CELF2: variants seen among roughly 807,000 people sequenced by gnomAD.
The protein encoded by CELF2 is CUGBP Elav-like family member 2, also known as CUG triplet repeat RNA-binding protein 2.
CELF2 carries 8 observed loss-of-function variants against 62.6 expected under a neutral mutation model. The ratio of observed to expected loss-of-function variants is 0.13; its 90% CI spans 0.07 to 0.23. The LOEUF is 0.23. CELF2 is among the 10% of genes least tolerant of loss of function. CELF2 has a pLI of 1.00. For missense variants in CELF2, 333 were observed against 671.0 expected (o/e 0.50, Z 5.56); for synonymous variants, 258 against 250.0 (o/e 1.03, Z -0.30).
the CELF2 span, among the ~76,000 whole-genome samples, chr10:10,577,758 A>C: frequency 2.0e-5 from 3 of 152,106 alleles, no homozygotes; most frequent in Non-Finnish European, 4.4e-5. Context: ...CCAGTCTATC[A>C]TTCTTGGACA....
chr10:11,188,954 A>G (rs2075673429), intron 2 of CELF2, among the ~76,000 whole-genome samples: 1 of 152,186 alleles, frequency 6.6e-6, no homozygotes, highest in African/African-American at 2.4e-5. Context: ...TTTAATCTCT[A>G]GAAGTCCGTT....
intron 9 of CELF2, among the ~76,000 whole-genome samples, chr10:11,294,264 C>G (rs2092887220): frequency 6.6e-6 from 1 of 152,196 alleles, no homozygotes; most frequent in Non-Finnish European, 1.5e-5. Context: ...AGATCATCCC[C>G]AGAAAGTGCC....
the CELF2 span, among the ~76,000 whole-genome samples, chr10:10,539,964 T>C: frequency 6.6e-6 from 1 of 152,298 alleles, no homozygotes; most frequent in Admixed American, 6.5e-5. Flanking sequence ...TAGTGAATCT[T>C]CGGGAACAAA....
chr10:10,656,235 G>A, the CELF2 span, among the ~76,000 whole-genome samples: 1 of 151,206 alleles, frequency 6.6e-6, no homozygotes, highest in Non-Finnish European at 1.5e-5. Flanking sequence ...GTGCTGGAGA[G>A]GATGTGGAGA....
At chr10:11,170,490 T>C (rs72773980) in intron 2 of CELF2, among the ~76,000 whole-genome samples, 4,721 of 152,248 alleles carry the variant, frequency 0.031, 106 homozygotes, top group Middle Eastern at 0.11. Context: ...GAGTGGGCCC[T>C]GATGGTTGTG....
the CELF2 span, among the ~76,000 whole-genome samples, chr10:10,603,638 C>A: frequency 6.6e-6 from 1 of 152,130 alleles, no homozygotes; most frequent in African/African-American, 2.4e-5. Flanking sequence ...TTAAAAAATT[C>A]ATTCTCTCTC....
Position 11,278,110 on chromosome 10 carries a change from C to CA in CELF2, c.841+2998dup, listed in dbSNP as rs559038424. Reference sequence around the variant, plus strand: ...TTTCAGCTTCAGGAGAAAATAAAACCAAAAAAAAGAAAGAGAAATTTTAGA... The same window carrying CA: ...TTTCAGCTTCAGGAGAAAATAAAACCAAAAAAAAAGAAAGAGAAATTTTAGA... On this transcript the variant is annotated intron_variant, in intron 8 of 12. Transcript: ENST00000633077. Among the ~76,000 whole-genome samples, 37 of 151,350 alleles carry CA rather than the reference C, an allele frequency of 2.4e-4. 1 individual carries two copies. In the South Asian group the frequency reaches 5.2e-3, roughly 21 times the overall value.
At chr10:10,825,416 T>A (rs1239501579) in intron 1 of CELF2, among the ~76,000 whole-genome samples, 1 of 152,116 alleles carries the variant, frequency 6.6e-6, no homozygotes, top group Admixed American at 6.5e-5. Flanking sequence ...TTCACTGTGT[T>A]AGCCAGGCTG....
the CELF2 span, among the ~76,000 whole-genome samples, chr10:10,702,656 C>T: frequency 6.6e-6 from 1 of 152,308 alleles, no homozygotes; most frequent in East Asian, 1.9e-4. Flanking sequence ...ACAATCCTGG[C>T]GCACTGCAAC....
chr10:10,998,518 C>T (rs116897519), intron 2 of CELF2, among the ~76,000 whole-genome samples: 1 of 152,294 alleles, frequency 6.6e-6, no homozygotes, highest in South Asian at 2.1e-4. Context: ...TCATTAGGAA[C>T]TGATTTAAGG....
chr10:10,613,400 T>C, the CELF2 span, among the ~76,000 whole-genome samples: 2 of 152,316 alleles, frequency 1.3e-5, no homozygotes, highest in African/African-American at 4.8e-5. Context: ...CGGAAGGCAA[T>C]TGGGAGAAAA....
chr10:10,770,974 A>G, the CELF2 span, among the ~76,000 whole-genome samples: 3 of 152,212 alleles, frequency 2.0e-5, no homozygotes, highest in Non-Finnish European at 4.4e-5. Context: ...AAGCCCTGGA[A>G]TGAGCACTGG....
At chr10:10,970,800 T>C (rs925872521) in intron 2 of CELF2, 5 of 152,208 alleles carry the variant, frequency 3.3e-5, no homozygotes, top group Non-Finnish European at 7.3e-5. Context: ...CTAATTACAC[T>C]CTTCAATTCA....
At position 10,846,079 on chromosome 10, in the gene CELF2, C is replaced by T. The variant is rs978264396; in HGVS notation, c.53+47262C>T. On this transcript the variant is annotated intron_variant, in intron 1 of 13. Coordinates refer to the CELF2 transcript ENST00000636488. ...TCATTGTAGACTTTTGTGATTCGATCAGATCCTTCTGCGCTCCCAGAGTTC... is the reference window on the plus strand; with the variant it reads ...TCATTGTAGACTTTTGTGATTCGATTAGATCCTTCTGCGCTCCCAGAGTTC... The T allele has an allele frequency of 6.1e-6, 6 of 984,772 alleles. No homozygotes were observed. The African/African-American group carries it at 1.0e-4, about 17-fold the overall frequency. 61.0% of individuals were successfully genotyped at this position (984,772 alleles called of 1,614,324 possible).
At chr10:10,798,523 G>A (rs577624745), upstream of CELF2, 3 of 380,696 alleles carry the variant, frequency 7.9e-6, no homozygotes, top group South Asian at 2.9e-4. Flanking sequence ...AATTTGATCA[G>A]TTGGAGCAGA....
At chr10:11,071,659 A>G (rs1888185) in intron 1 of CELF2, 49,071 of 152,068 alleles carry the variant, frequency 0.32, 8,585 homozygotes, top group African/African-American at 0.42. Flanking sequence ...GCCTCATCCA[A>G]TGTGTCTCTT....
At chr10:11,097,187 AGCTGCCC>A (rs1464307663) in intron 1 of CELF2, 14 of 152,220 alleles carry the variant, frequency 9.2e-5, no homozygotes, top group African/African-American at 3.4e-4. Context: ...ACAAAAGTAG[AGCTGCCC>A]ATCACATTTG....
At chr10:11,295,355 G>C (rs17454012) in intron 9 of CELF2, among the ~76,000 whole-genome samples, 1 of 152,092 alleles carries the variant, frequency 6.6e-6, no homozygotes, top group South Asian at 2.1e-4. Context: ...TAAGAAAAGC[G>C]TCATTTTACT....
chr10:11,273,718 T>C (rs191556413), intron 7 of CELF2, among the ~76,000 whole-genome samples: 1 of 144,946 alleles, frequency 6.9e-6, no homozygotes, highest in East Asian at 2.0e-4. Flanking sequence ...AAGTTTTGTT[T>C]TTTTGTTTTT....
Sources: allele counts gnomAD v4.1 joint callset (sites outside exome capture counted in the v4.1 genomes callset), GRCh38; gene constraint gnomAD v4.1.1; transcripts MANE v1.5; gene names NCBI Gene and HGNC (gene_info 2026-07-23, HGNC 2026-07-21).